Variants in CPNE1 observed in about 807,000 individuals in gnomAD.
The protein encoded by CPNE1 is copine 1, also known as copine-1.
A neutral mutation model predicts 63.2 loss-of-function variants in CPNE1; 58 were observed. The observed-to-expected ratio is 0.92, with a 90% confidence interval of 0.74 to 1.14. The LOEUF is 1.14. CPNE1 is among the 50% of genes most tolerant of loss of function. The pLI is 0.00. For missense variants in CPNE1, 672 were observed against 661.7 expected, an observed-to-expected ratio of 1.02 and a Z score of -0.17; for synonymous variants, 237 against 249.0, an observed-to-expected ratio of 0.95 and a Z score of 0.45.
chr20:35,654,448 C>T (rs756488234), intron 1 of CPNE1: 3 of 1,614,196 alleles, frequency 1.9e-6, no homozygotes, highest in African/African-American at 1.3e-5. Context: ...CTTCACACTG[C>T]TCTGAGAGTT....
At chr20:35,654,770 C>T (rs776700149) in intron 1 of CPNE1, 1 of 1,613,932 alleles carries the variant, frequency 6.2e-7, no homozygotes, top group Non-Finnish European at 8.5e-7. Context: ...GGCGGCGGGA[C>T]TGTGTTCATT....
rs56017917 is a variant in CPNE1, at chr20:35,634,905, ATTTTT to A, written c.1-1987_1-1983del. 1.1e-4 allele frequency among the ~76,000 whole-genome samples: 14 copies of A among 122,094 alleles called. No individual in the cohort carries two copies. The East Asian group carries it at 2.3e-3, about 20-fold the overall frequency. 80.1% of individuals were successfully genotyped at this position (122,094 alleles called of 152,430 possible). Reference sequence around the variant, plus strand: ...CAGGTGTGCATCACCACACCCAGCTATTTTTTTTTTTTTTTTTTTGTAGAGACAGG... The same window carrying A: ...CAGGTGTGCATCACCACACCCAGCTATTTTTTTTTTTTTTGTAGAGACAGG... On this transcript the variant is annotated intron_variant, in intron 1 of 15. Transcript: ENST00000397443.
intron 1 of CPNE1, among the ~76,000 whole-genome samples, chr20:35,656,222 T>C (rs963985323): frequency 1.3e-5 from 2 of 152,180 alleles, no homozygotes; most frequent in African/African-American, 4.8e-5. Context: ...GGGCTGACAA[T>C]AAAAATATTT....
Position 35,632,570 on chromosome 20 carries a change from G to C in CPNE1, c.256C>G (p.Pro86Ala), listed in dbSNP as rs756272478. 6.2e-7 allele frequency: 1 copy of C among 1,613,956 alleles called. No individual in the cohort carries two copies. Among genetic ancestry groups the C allele is most frequent in the Non-Finnish European group, 8.5e-7 (1 of 1,179,860 alleles). The change falls in exon 3 of 16, where the codon CCA becomes GCA. Residue 86 changes from proline to alanine, a missense_variant. Transcript: ENST00000397443. ...FGIYDIDNKT[P>A]ELRDDDFLGG... ...AGGAAGTCATCATCCCTCAGCTCTG[G>C]CGTCTTGTTGTCTATGTCATAGATT...
intron 1 of CPNE1, among the ~76,000 whole-genome samples, chr20:35,639,651 T>C (rs2032690475): frequency 6.6e-6 from 1 of 152,194 alleles, no homozygotes; most frequent in Non-Finnish European, 1.5e-5. Flanking sequence ...AATTTTTAAT[T>C]GGAGAACTAC....
At chr20:35,647,409 T>C (rs2033187794) in intron 1 of CPNE1, 1 of 151,912 alleles carries the variant, frequency 6.6e-6, no homozygotes, top group Non-Finnish European at 1.5e-5. Flanking sequence ...TCGTTTTTAA[T>C]ATGTGCTGCT....
chr20:35,655,202 C>A (rs2033824542), intron 1 of CPNE1: 1 of 1,614,014 alleles, frequency 6.2e-7, no homozygotes, highest in Non-Finnish European at 8.5e-7. Flanking sequence ...AAAGCCTCAC[C>A]CAGTTCACCC....
At position 35,626,150 on chromosome 20, in the gene CPNE1, T is replaced by C. The variant is rs760380621; in HGVS notation, c.*91A>G. The C allele has an allele frequency of 7.6e-7, 1 of 1,314,534 alleles. No homozygotes were observed. The highest frequency in any genetic ancestry group is 1.1e-6 in the Non-Finnish European group (1 of 909,416). The allele number at this position is 1,314,534 out of a possible 1,614,324, so 81.4% of individuals were successfully genotyped here. ...AAAAGTATCAAAAAATACAAAGTGC[T>C]AGCACTGAGGAGAGTGAGAAGGGTT... On this transcript the variant is annotated 3_prime_UTR_variant, in exon 16 of 16. Coordinates refer to ENST00000397443, the MANE Select transcript of CPNE1 (RefSeq NM_152925.3).
chr20:35,652,435 G>C, intron 1 of CPNE1: 1 of 1,434,198 alleles, frequency 7.0e-7, no homozygotes, highest in Non-Finnish European at 9.4e-7. Context: ...ACAATCCACA[G>C]GTTCTAACCT....
intron 1 of CPNE1, chr20:35,648,995 T>TC (rs1368409508): frequency 6.6e-6 from 1 of 152,670 alleles, no homozygotes; most frequent in Admixed American, 6.5e-5. Flanking sequence ...ATTCAAGACT[T>TC]CATCTTTATA....
intron 1 of CPNE1, chr20:35,651,357 G>A (rs1435928425): frequency 1.3e-5 from 2 of 152,100 alleles, no homozygotes; most frequent in Non-Finnish European, 2.9e-5. Flanking sequence ...CTCCTCTGGC[G>A]GCTGCACTTG....
chr20:35,638,107 T>C (rs1398822308), intron 1 of CPNE1, among the ~76,000 whole-genome samples: 1 of 152,218 alleles, frequency 6.6e-6, no homozygotes, highest in Non-Finnish European at 1.5e-5. Context: ...TATGGGGTCC[T>C]TGAACTAGGG....
intron 1 of CPNE1, chr20:35,652,395 G>T: frequency 9.2e-7 from 1 of 1,091,438 alleles, no homozygotes; most frequent in Non-Finnish European, 1.3e-6. Context: ...AATGCTCTAT[G>T]TTATGGAAAC....
At position 35,631,187 on chromosome 20, in the gene CPNE1, C is replaced by G; in HGVS notation, c.802-14G>C. 1.2e-6 allele frequency: 2 copies of G among 1,613,888 alleles called. No individual in the cohort carries two copies. Among genetic ancestry groups the G allele is most frequent in the Non-Finnish European group, 1.7e-6 (2 of 1,179,846 alleles). On this transcript the variant is annotated splice_polypyrimidine_tract_variant and intron_variant, in intron 9 of 15. Transcript: ENST00000397443. Reference sequence around the variant, plus strand: ...CTCTGTTTCTACCTGCAAATGAAACCAGGGTCATGCCTGGGGTGATAGCAG... The same window carrying G: ...CTCTGTTTCTACCTGCAAATGAAACGAGGGTCATGCCTGGGGTGATAGCAG...
At chr20:35,636,206 G>A (rs1427850442) in intron 1 of CPNE1, among the ~76,000 whole-genome samples, 1 of 152,162 alleles carries the variant, frequency 6.6e-6, no homozygotes, top group Non-Finnish European at 1.5e-5. Flanking sequence ...TCACTCCCTT[G>A]GGGGTTCCCC....
Position 35,663,731 on chromosome 20 carries a change from G to T in CPNE1, c.-1+1029C>A, listed in dbSNP as rs56166790. Among the ~76,000 whole-genome samples the T allele has an allele frequency of 3.0e-3, 462 of 152,176 alleles. 3 individuals carry two copies. The East Asian group carries it at 0.041, about 13-fold the overall frequency. ...TCAGATTTGTCACTATAAAGCACAC[G>T]TTGGAGGCACACAAAAAGCCCGTAC... On this transcript the variant is annotated intron_variant, in intron 1 of 15. Transcript: ENST00000397443.
intron 1 of CPNE1, 87 bp from the exon 2 acceptor site, chr20:35,633,010 C>T: frequency 3.7e-6 from 3 of 806,408 alleles, no homozygotes; most frequent in Non-Finnish European, 6.4e-6. Flanking sequence ...GGCCAGCAGG[C>T]ATCACCCAGG....
chr20:35,645,666 A>G (rs2033057568), intron 1 of CPNE1, among the ~76,000 whole-genome samples: 1 of 152,236 alleles, frequency 6.6e-6, no homozygotes, highest in Non-Finnish European at 1.5e-5. Flanking sequence ...CCAATCTGTC[A>G]ATTCAATGGT....
intron 1 of CPNE1, among the ~76,000 whole-genome samples, chr20:35,637,814 A>G (rs2032573020): frequency 1.3e-5 from 2 of 152,174 alleles, no homozygotes; most frequent in Non-Finnish European, 2.9e-5. Context: ...CCCTTGCCTA[A>G]CTAATCATCT....
Sources: gnomAD v4.1 joint callset for allele counts (sites outside exome capture counted in the v4.1 genomes callset) on GRCh38, gnomAD v4.1.1 for gene constraint, MANE v1.5 for transcripts, NCBI Gene and HGNC (gene_info 2026-07-23, HGNC 2026-07-21) for gene names.